GRIK1: variants seen among roughly 807,000 people sequenced by gnomAD.
GRIK1 encodes the protein glutamate receptor ionotropic, kainate 1.
In GRIK1, 69 loss-of-function variants were observed where a neutral mutation model predicts 105.7. The observed-to-expected ratio is 0.65, with a 90% confidence interval of 0.54 to 0.80. The LOEUF (loss-of-function observed/expected upper bound fraction) is 0.80. Ranked by LOEUF, GRIK1 falls within the 30% of genes least tolerant of loss-of-function variation. The pLI, the probability that GRIK1 is intolerant of heterozygous loss-of-function variation, is 0.00. For synonymous variants in GRIK1, 438 were observed against 431.3 expected, an observed-to-expected ratio of 1.02 and a Z score of -0.19; for missense variants, 1,109 against 1,167.3, an observed-to-expected ratio of 0.95 and a Z score of 0.73.
rs866020491 is a variant in GRIK1, at chr21:29,577,026, C to A, written c.2068G>T (p.Ala690Ser). Residue 690 changes from alanine (A) to serine (S), a missense_variant, in exon 14 of 18, where the codon GCA (alanine) becomes TCA (serine). Coordinates refer to ENST00000327783, the MANE Select transcript of GRIK1 (RefSeq NM_001330994.2). ...CCATATTCTATCTTGGTTTGCTTTGCCAGATCATCTGCCGAATCTATGGGG... is the reference window on the plus strand; with the variant it reads ...CCATATTCTATCTTGGTTTGCTTTGACAGATCATCTGCCGAATCTATGGGG... ...ESPIDSADDL[A>S]KQTKIEYGAV... 6.2e-7 allele frequency: 1 copy of A among 1,613,648 alleles called. No homozygotes were observed. Among genetic ancestry groups the A allele is most frequent in the Middle Eastern group, 1.7e-4 (1 of 6,060 alleles).
intron 1 of GRIK1, among the ~76,000 whole-genome samples, chr21:29,782,024 T>A (rs2066125871): frequency 6.6e-6 from 1 of 151,832 alleles, no homozygotes; most frequent in African/African-American, 2.4e-5. Context: ...CCTCTACTCA[T>A]TCCTTAGTGA....
chr21:29,764,769 C>G (rs1030068718), intron 1 of GRIK1, among the ~76,000 whole-genome samples: 4 of 152,236 alleles, frequency 2.6e-5, no homozygotes, highest in Admixed American at 6.5e-5. Flanking sequence ...ACAAAAGCAT[C>G]AGAATTAAAA....
intron 3 of GRIK1, among the ~76,000 whole-genome samples, chr21:29,677,083 A>G (rs1282591143): frequency 1.3e-5 from 2 of 152,204 alleles, no homozygotes; most frequent in African/African-American, 4.8e-5. Flanking sequence ...TCTGCAGCTT[A>G]CTTTCAAATG....
Position 29,836,495 on chromosome 21 carries a change from A to G in GRIK1, c.118+102888T>C, listed in dbSNP as rs1342365120. On this transcript the variant is annotated intron_variant, in intron 1 of 17. Transcript: ENST00000327783. ...TATGTACAGTGGAACAATTATTAGG[A>G]TAATTATAGTAAAACATATACTAAA... Among the ~76,000 whole-genome samples the G allele has an allele frequency of 1.3e-5, 2 of 152,206 alleles. 1 individual carries two copies. Among genetic ancestry groups the G allele is most frequent in the East Asian group, 3.8e-4 (2 of 5,202 alleles).
chr21:29,636,689 G>A (rs1012005741), intron 7 of GRIK1, among the ~76,000 whole-genome samples: 6 of 152,282 alleles, frequency 3.9e-5, no homozygotes, highest in East Asian at 3.9e-4. Context: ...AGCTCTTTAT[G>A]AATGGTGATC....
chr21:29,697,981 C>CTCTT (rs1375038498), intron 1 of GRIK1, among the ~76,000 whole-genome samples: 3 of 140,992 alleles, frequency 2.1e-5, no homozygotes, highest in Non-Finnish European at 3.1e-5. Flanking sequence ...TTCTCTCTGT[C>CTCTT]TCTTTCTTTC....
At chr21:29,549,476 A>G (rs2090095226) in intron 16 of GRIK1, among the ~76,000 whole-genome samples, 1 of 152,220 alleles carries the variant, frequency 6.6e-6, no homozygotes, top group Non-Finnish European at 1.5e-5. Flanking sequence ...GCTAATTTTT[A>G]TGAAAACTAA....
chr21:29,855,016 C>T (rs541103631), intron 1 of GRIK1, among the ~76,000 whole-genome samples: 33 of 152,296 alleles, frequency 2.2e-4, no homozygotes, highest in Non-Finnish European at 4.1e-4. Flanking sequence ...AGCTGGAGAA[C>T]TAAGTCACTT....
At chr21:29,862,174 A>G (rs1223877929) in intron 1 of GRIK1, among the ~76,000 whole-genome samples, 4 of 151,940 alleles carry the variant, frequency 2.6e-5, no homozygotes, top group Non-Finnish European at 4.4e-5. Flanking sequence ...TTTTTGTGGC[A>G]ATAGGGTCTC....
At chr21:29,601,964 T>C (rs2061526920) in intron 7 of GRIK1, among the ~76,000 whole-genome samples, 1 of 152,226 alleles carries the variant, frequency 6.6e-6, no homozygotes, top group African/African-American at 2.4e-5. Flanking sequence ...TTCTGTCTTC[T>C]GTCACTCGTT....
chr21:29,549,968 C>T (rs564189769), intron 16 of GRIK1, among the ~76,000 whole-genome samples: 4 of 151,726 alleles, frequency 2.6e-5, no homozygotes, highest in East Asian at 1.9e-4. Context: ...ATTAGCCAGG[C>T]GTGATGGTGC....
At chr21:29,620,974 T>C (rs1163191580) in intron 7 of GRIK1, among the ~76,000 whole-genome samples, 1 of 147,662 alleles carries the variant, frequency 6.8e-6, no homozygotes, top group Non-Finnish European at 1.5e-5. Context: ...ATATACAGAA[T>C]TTGGAAAAAA....
chr21:29,677,789 G>T (rs1045271966), intron 3 of GRIK1, among the ~76,000 whole-genome samples: 20 of 152,204 alleles, frequency 1.3e-4, no homozygotes, highest in African/African-American at 4.3e-4. Context: ...GAGGCATGGT[G>T]AGGTTAATTG....
At chr21:29,680,483 C>T (rs192004220) in intron 3 of GRIK1, among the ~76,000 whole-genome samples, 2 of 152,356 alleles carry the variant, frequency 1.3e-5, no homozygotes, top group East Asian at 1.9e-4. Flanking sequence ...CTACCTTTGC[C>T]TCTGTAGAGT....
intron 1 of GRIK1, among the ~76,000 whole-genome samples, chr21:29,885,535 T>C (rs1569189197): frequency 6.6e-6 from 1 of 152,072 alleles, no homozygotes; most frequent in Non-Finnish European, 1.5e-5. Context: ...ATTTAGAATT[T>C]TAGTGAAAGA....
intron 1 of GRIK1, among the ~76,000 whole-genome samples, chr21:29,828,108 T>C (rs567878060): frequency 8.4e-4 from 127 of 151,960 alleles, no homozygotes; most frequent in Non-Finnish European, 1.5e-3. Context: ...CTCGGGGCTT[T>C]CTAGACAACA....
intron 14 of GRIK1, among the ~76,000 whole-genome samples, chr21:29,570,501 CAAAAA>C (rs34538814): frequency 2.4e-5 from 3 of 126,398 alleles, no homozygotes; most frequent in African/African-American, 8.7e-5. Context: ...GACTCCATCT[CAAAAA>C]AAAAAAAAAA....
At chr21:29,878,510 G>T (rs1342601545) in intron 1 of GRIK1, among the ~76,000 whole-genome samples, 1 of 152,064 alleles carries the variant, frequency 6.6e-6, no homozygotes, top group East Asian at 1.9e-4. Context: ...GGAGAAGATG[G>T]AATGAAGAGA....
intron 1 of GRIK1, among the ~76,000 whole-genome samples, chr21:29,795,975 A>T (rs1288796568): frequency 1.3e-5 from 2 of 152,110 alleles, no homozygotes; most frequent in Admixed American, 6.6e-5. Flanking sequence ...CTCCATGACT[A>T]CTGGAAATGG....
Sources: allele counts gnomAD v4.1 joint callset (sites outside exome capture counted in the v4.1 genomes callset), GRCh38; gene constraint gnomAD v4.1.1; transcripts MANE v1.5; gene names NCBI Gene and HGNC (gene_info 2026-07-23, HGNC 2026-07-21).